The following ABHD12 variants were observed in gnomAD, a reference collection of about 807,000 sequenced individuals.
ABHD12 encodes the protein abhydrolase domain containing 12, lysophospholipase, also known as lysophosphatidylserine lipase ABHD12.
A neutral mutation model predicts 58.3 loss-of-function variants in ABHD12; 43 were observed. The observed-to-expected ratio is 0.74, with a 90% CI of 0.58 to 0.95. ABHD12 has a LOEUF of 0.95. ABHD12 is among the 40% of genes least tolerant of loss of function. The probability of loss-of-function intolerance (pLI) is 0.00; values close to 1 mark genes in which losing one functional copy is unlikely to be tolerated. For missense variants in ABHD12, 539 were observed against 537.2 expected, an observed-to-expected ratio of 1.00 and a Z score of -0.03; for synonymous variants, 219 against 211.2, an observed-to-expected ratio of 1.04 and a Z score of -0.32.
At chr20:25,360,415 A>T (rs936240576) in intron 1 of ABHD12, among the ~76,000 whole-genome samples, 1 of 150,812 alleles carries the variant, frequency 6.6e-6, no homozygotes, top group South Asian at 2.1e-4. Context: ...TAATTTTTGT[A>T]TTTTTAGTAG....
intron 3 of ABHD12, among the ~76,000 whole-genome samples, chr20:25,321,209 T>G (rs4815404): frequency 0.57 from 86,781 of 152,100 alleles, 25,530 homozygotes; most frequent in African/African-American, 0.63. Context: ...GGATAGGACG[T>G]CACATTTTGA....
chr20:25,314,343 C>T (rs2088920264), intron 6 of ABHD12, among the ~76,000 whole-genome samples: 1 of 152,056 alleles, frequency 6.6e-6, no homozygotes, highest in African/African-American at 2.4e-5. Context: ...CCATGTCTGA[C>T]GTCCAGCTCT....
intron 1 of ABHD12, among the ~76,000 whole-genome samples, chr20:25,344,980 A>G (rs1416574852): frequency 6.6e-6 from 1 of 152,258 alleles, no homozygotes; most frequent in Non-Finnish European, 1.5e-5. Flanking sequence ...CTTCACAAAA[A>G]TAAAACTCAA....
intron 1 of ABHD12, among the ~76,000 whole-genome samples, chr20:25,366,708 ATTTAT>A (rs1459440709): frequency 6.6e-6 from 1 of 152,180 alleles, no homozygotes; most frequent in Non-Finnish European, 1.5e-5. Flanking sequence ...ATGGATCCAG[ATTTAT>A]TTTATTTCAA....
chr20:25,380,068 G>C (rs544224984), intron 1 of ABHD12, among the ~76,000 whole-genome samples: 12 of 152,262 alleles, frequency 7.9e-5, no homozygotes, highest in African/African-American at 2.9e-4. Context: ...CTTTTCCCCA[G>C]GTTTCACATT....
chr20:25,298,670 T>C (rs529857555), downstream of ABHD12, among the ~76,000 whole-genome samples: 5 of 152,356 alleles, frequency 3.3e-5, no homozygotes, highest in South Asian at 1.0e-3. Flanking sequence ...CTGGTCCCTT[T>C]GCACCTGCAA....
intron 11 of ABHD12, 148 bp downstream of exon 11, chr20:25,303,401 TG>T (rs1414043926): frequency 5.3e-5 from 81 of 1,523,436 alleles, no homozygotes; most frequent in Non-Finnish European, 7.0e-5. Flanking sequence ...GAGGATGAGG[TG>T]GCCTCCTGAG....
chr20:25,299,547 C>G (rs2088600962), downstream of ABHD12, among the ~76,000 whole-genome samples: 1 of 151,944 alleles, frequency 6.6e-6, no homozygotes, highest in African/African-American at 2.4e-5. Context: ...GAGTGGGTCA[C>G]CTCTGCTTCG....
chr20:25,354,847 C>G (rs1186631171), intron 1 of ABHD12, among the ~76,000 whole-genome samples: 1 of 152,176 alleles, frequency 6.6e-6, no homozygotes, highest in Non-Finnish European at 1.5e-5. Context: ...TTTGGCCTCC[C>G]TCCAGCAGTT....
exon 13 of ABHD12, chr20:25,294,915 G>A (rs1568701412): frequency 6.5e-7 from 1 of 1,545,932 alleles, no homozygotes; most frequent in Non-Finnish European, 8.8e-7. Context: ...AGCTGCCTTT[G>A]GGTTAGTTTT....
At chr20:25,327,206 T>C (rs1319119433) in intron 2 of ABHD12, among the ~76,000 whole-genome samples, 2 of 152,206 alleles carry the variant, frequency 1.3e-5, no homozygotes, top group Non-Finnish European at 1.5e-5. Flanking sequence ...CGGTGGCGCA[T>C]GCCTATAATC....
At chr20:25,303,182 A>G in intron 11 of ABHD12, 1 of 1,141,092 alleles carries the variant, frequency 8.8e-7, no homozygotes, top group South Asian at 1.9e-5. Context: ...CTTTGCCTTC[A>G]GCCCATAACT....
At chr20:25,335,870 G>A (rs1163198613) in intron 2 of ABHD12, among the ~76,000 whole-genome samples, 2 of 149,722 alleles carry the variant, frequency 1.3e-5, no homozygotes, top group East Asian at 2.0e-4. Flanking sequence ...TGACGAGTTA[G>A]TGGGTGCAGC....
Position 25,300,312 on chromosome 20 carries a change from T to C in ABHD12, c.*533A>G. The C allele has an allele frequency of 9.7e-7, 1 of 1,027,368 alleles. No individual in the cohort carries two copies. Among genetic ancestry groups the C allele is most frequent in the Middle Eastern group, 4.9e-4 (1 of 2,050 alleles). The allele number at this position is 1,027,368 out of a possible 1,614,324, so 63.6% of individuals were successfully genotyped here. A position where few individuals can be genotyped will look rare whatever the true frequency, so the allele number is the denominator to read the frequency against. ...GGAGGAAGTGCAGATCCCGGGCACT[T>C]CCACTGTGGGTGAGTGGGCCAGCCC... On this transcript the variant is annotated 3_prime_UTR_variant, in exon 13 of 13. Coordinates refer to ENST00000339157, the MANE Select transcript of ABHD12 (RefSeq NM_001042472.3).
intron 3 of ABHD12, among the ~76,000 whole-genome samples, chr20:25,321,230 A>G (rs1473673013): frequency 2.6e-5 from 4 of 152,236 alleles, no homozygotes. Flanking sequence ...AGGTGCTGGG[A>G]GCAGATGTGC....
chr20:25,353,663 C>CGGGA (rs1568754113), intron 1 of ABHD12, among the ~76,000 whole-genome samples: 1 of 152,112 alleles, frequency 6.6e-6, no homozygotes, highest in African/African-American at 2.4e-5. Flanking sequence ...TTGGCTCTTA[C>CGGGA]GGGAGAGTTG....
At chr20:25,357,983 C>G (rs2089690977) in intron 1 of ABHD12, among the ~76,000 whole-genome samples, 1 of 152,074 alleles carries the variant, frequency 6.6e-6, no homozygotes, top group South Asian at 2.1e-4. Context: ...TGCAGTCCAG[C>G]CTGGGTGACA....
chr20:25,301,447 A>G (rs910499304), intron 12 of ABHD12, among the ~76,000 whole-genome samples: 4 of 150,188 alleles, frequency 2.7e-5, no homozygotes, highest in Non-Finnish European at 4.5e-5. Context: ...AAAAAACTCT[A>G]TCACCATTAG....
chr20:25,346,078 T>C (rs1021370542), intron 1 of ABHD12, among the ~76,000 whole-genome samples: 1 of 152,096 alleles, frequency 6.6e-6, no homozygotes, highest in Non-Finnish European at 1.5e-5. Flanking sequence ...CTTTGATAGG[T>C]GAGTGAATAA....
Sources: gnomAD v4.1 joint callset for allele counts (sites outside exome capture counted in the v4.1 genomes callset) on GRCh38, gnomAD v4.1.1 for gene constraint, MANE v1.5 for transcripts, NCBI Gene and HGNC (gene_info 2026-07-23, HGNC 2026-07-21) for gene names.